Variants in MGAT4C observed in about 807,000 individuals in gnomAD.
The protein encoded by MGAT4C is MGAT4 family member C, also known as alpha-1,3-mannosyl-glycoprotein 4-beta-N-acetylglucosaminyltransferase C.
A neutral mutation model predicts 40.1 loss-of-function variants in MGAT4C; 19 were observed. The observed-to-expected ratio is 0.47, with a 90% CI of 0.33 to 0.70. The LOEUF is 0.70. MGAT4C is among the 30% of genes least tolerant of loss of function. The pLI is 0.02. For synonymous variants in MGAT4C, 181 were observed against 187.1 expected (o/e 0.97, Z 0.27); for missense variants, 491 against 563.2 (o/e 0.87, Z 1.30).
chr12:86,652,238 G>T (rs1236402796), intron 2 of MGAT4C, among the ~76,000 whole-genome samples: 1 of 151,730 alleles, frequency 6.6e-6, no homozygotes, highest in African/African-American at 2.4e-5. Flanking sequence ...GATGATTATG[G>T]ATAGAATAAC....
rs1883349543 is a variant in MGAT4C, at chr12:85,966,082, G to A, written c.*13207C>T. ...ACATTTTATATTATGGTTATTTACT[G>A]TAATTGCATCCAAAATAATTCATAA... is the stretch of plus-strand genomic sequence containing the variant. On this transcript the variant is annotated 3_prime_UTR_variant, in exon 5 of 5. Coordinates refer to ENST00000611864, the MANE Select transcript of MGAT4C (RefSeq NM_001351288.2). The A allele has an allele frequency of 6.6e-6, 1 of 152,114 alleles. No homozygotes were observed. Among genetic ancestry groups the A allele is most frequent in the Non-Finnish European group, 1.5e-5 (1 of 68,016 alleles). The allele number at this position is 152,114 out of a possible 1,614,324, so 9.4% of individuals were successfully genotyped here. A position where few individuals can be genotyped will look rare whatever the true frequency, so the allele number is the denominator to read the frequency against.
intron 2 of MGAT4C, among the ~76,000 whole-genome samples, chr12:86,579,346 T>C (rs550019598): frequency 6.6e-6 from 1 of 151,774 alleles, no homozygotes; most frequent in Non-Finnish European, 1.5e-5. Flanking sequence ...GTGGTTACTA[T>C]AAGGCTTGCA....
chr12:86,445,763 G>A (rs560709642), intron 2 of MGAT4C, among the ~76,000 whole-genome samples: 186 of 152,070 alleles, frequency 1.2e-3, no homozygotes, highest in Middle Eastern at 3.2e-3. Flanking sequence ...CAAACCTAAT[G>A]TTGAGAAAAG....
chr12:86,682,192 A>G (rs892844918), intron 2 of MGAT4C, among the ~76,000 whole-genome samples: 8 of 152,090 alleles, frequency 5.3e-5, no homozygotes, highest in Admixed American at 5.2e-4. Context: ...AGGCATGTTT[A>G]CTTATTAATT....
intron 2 of MGAT4C, among the ~76,000 whole-genome samples, chr12:86,524,424 C>A (rs1164369032): frequency 6.6e-6 from 1 of 152,124 alleles, no homozygotes; most frequent in African/African-American, 2.4e-5. Context: ...GGCCCCCAAT[C>A]TACTCTGGCT....
intron 3 of MGAT4C, among the ~76,000 whole-genome samples, chr12:86,382,690 C>G (rs1174412004): frequency 6.6e-6 from 1 of 152,170 alleles, no homozygotes; most frequent in Non-Finnish European, 1.5e-5. Context: ...TGTGTGCAGT[C>G]TAGGGACTTG....
chr12:86,758,195 G>T (rs977070885), intron 1 of MGAT4C, among the ~76,000 whole-genome samples: 4 of 151,850 alleles, frequency 2.6e-5, no homozygotes, highest in Non-Finnish European at 5.9e-5. Flanking sequence ...GCCTTACACT[G>T]GTGTCACAAA....
intron 1 of MGAT4C, among the ~76,000 whole-genome samples, chr12:86,056,808 C>T (rs1406273239): frequency 6.6e-6 from 1 of 152,146 alleles, no homozygotes; most frequent in African/African-American, 2.4e-5. Flanking sequence ...GGAATCACCA[C>T]ACTGTCTTCC....
chr12:86,116,018 A>G (rs1878352848), intron 1 of MGAT4C, among the ~76,000 whole-genome samples: 1 of 152,094 alleles, frequency 6.6e-6, no homozygotes, highest in Non-Finnish European at 1.5e-5. Flanking sequence ...CAGTAGCCAC[A>G]TGAAGAATTT....
chr12:86,176,987 G>T (rs1426164536), intron 1 of MGAT4C, among the ~76,000 whole-genome samples: 1 of 151,550 alleles, frequency 6.6e-6, no homozygotes, highest in Admixed American at 6.6e-5. Context: ...AGAGATAAAA[G>T]TAAACAGTGA....
At chr12:86,441,504 C>A (rs1445660419) in intron 2 of MGAT4C, among the ~76,000 whole-genome samples, 1 of 107,640 alleles carries the variant, frequency 9.3e-6, no homozygotes, top group Non-Finnish European at 1.8e-5. Flanking sequence ...CCCCTCCCCC[C>A]ACCCCACAAC....
intron 2 of MGAT4C, among the ~76,000 whole-genome samples, chr12:86,459,416 G>A (rs1050587537): frequency 6.6e-6 from 1 of 151,870 alleles, no homozygotes; most frequent in Non-Finnish European, 1.5e-5. Context: ...GCAGGCATTT[G>A]CAGTTTACAA....
chr12:86,709,930 G>A (rs1048597532), intron 2 of MGAT4C, among the ~76,000 whole-genome samples: 12 of 152,170 alleles, frequency 7.9e-5, no homozygotes, highest in Non-Finnish European at 1.3e-4. Flanking sequence ...TTTGTTCTTC[G>A]AGTTGAGGCC....
chr12:86,362,321 C>A (rs1955494760), intron 3 of MGAT4C, among the ~76,000 whole-genome samples: 1 of 151,982 alleles, frequency 6.6e-6, no homozygotes, highest in Non-Finnish European at 1.5e-5. Flanking sequence ...GGAACATCGC[C>A]CATTGGGGCC....
In MGAT4C at chr12:86,800,666, C is replaced by T. The variant is rs3924288; in HGVS notation, c.-262+38000G>A. 1.1e-4 allele frequency among the ~76,000 whole-genome samples: 16 copies of T among 151,524 alleles called. 1 individual carries two copies. In the East Asian group the frequency reaches 1.4e-3, roughly 13 times the overall value. ...CATTTACAATTATTAATAATAACTA[C>T]GTTTAACCATAGAAATTAATGTCCA... On this transcript the variant is annotated intron_variant, in intron 1 of 7. Coordinates refer to the MGAT4C transcript ENST00000548651.
chr12:86,275,375 G>C (rs1365869451), intron 4 of MGAT4C, among the ~76,000 whole-genome samples: 1 of 152,098 alleles, frequency 6.6e-6, no homozygotes, highest in East Asian at 1.9e-4. Context: ...CTGTTGAATA[G>C]AGCCGTATCA....
At chr12:86,387,825 A>G (rs1956083833) in intron 3 of MGAT4C, among the ~76,000 whole-genome samples, 1 of 152,168 alleles carries the variant, frequency 6.6e-6, no homozygotes, top group Admixed American at 6.5e-5. Context: ...TTTATCAAAT[A>G]CTGTGGATGT....
intron 2 of MGAT4C, among the ~76,000 whole-genome samples, chr12:86,716,509 T>A (rs1235956213): frequency 6.6e-6 from 1 of 152,116 alleles, no homozygotes; most frequent in Non-Finnish European, 1.5e-5. Context: ...AGTAAAAGGG[T>A]AAATGTACTG....
At chr12:86,648,766 CTAAT>C (rs752744753) in intron 2 of MGAT4C, among the ~76,000 whole-genome samples, 2 of 151,802 alleles carry the variant, frequency 1.3e-5, no homozygotes, top group Non-Finnish European at 2.9e-5. Context: ...GCATTTTAAT[CTAAT>C]TATGATCATA....
Sources: allele counts gnomAD v4.1 joint callset (sites outside exome capture counted in the v4.1 genomes callset), GRCh38; gene constraint gnomAD v4.1.1; transcripts MANE v1.5; gene names NCBI Gene and HGNC (gene_info 2026-07-23, HGNC 2026-07-21).